The following SESN3 variants were observed in gnomAD, a reference collection of about 807,000 sequenced individuals.
SESN3 encodes the protein sestrin-3.
SESN3 carries 21 observed loss-of-function variants against 55.3 expected under a neutral mutation model. The observed-to-expected ratio is 0.38, with a 90% CI of 0.27 to 0.55. The LOEUF is 0.55. Ranked by LOEUF, SESN3 falls within the 20% of genes least tolerant of loss-of-function variation. SESN3 has a pLI of 0.76. For synonymous variants in SESN3, 181 were observed against 203.1 expected, an observed-to-expected ratio of 0.89 and a Z score of 0.93; for missense variants, 408 against 604.3, an observed-to-expected ratio of 0.68 and a Z score of 3.41.
chr11:95,184,965 A>G (rs1860136250), intron 5 of SESN3, among the ~76,000 whole-genome samples: 1 of 152,030 alleles, frequency 6.6e-6, no homozygotes. Context: ...TATACATACA[A>G]GTATATTGTT....
intron 9 of SESN3, 130 bp downstream of exon 9, chr11:95,175,368 T>C (rs759654134): frequency 2.0e-5 from 16 of 792,178 alleles, no homozygotes; most frequent in Non-Finnish European, 2.9e-5. Context: ...AAACCCCAGA[T>C]AGCTAGATGA....
At chr11:95,175,705 T>C in intron 8 of SESN3, 63 bp from the exon 9 acceptor site, 2 of 1,343,422 alleles carry the variant, frequency 1.5e-6, no homozygotes, top group Non-Finnish European at 2.1e-6. Context: ...TCCAAAGTTA[T>C]ACTAAGGACA....
At chr11:95,189,675 C>A (rs1028488308) in intron 4 of SESN3, 104 bp downstream of exon 4, 3 of 693,892 alleles carry the variant, frequency 4.3e-6, no homozygotes, top group African/African-American at 3.7e-5. Context: ...ATCTTTTCTA[C>A]ACATACTAAG....
chr11:95,185,213 T>C, intron 5 of SESN3, 43 bp downstream of exon 5: 1 of 1,186,738 alleles, frequency 8.4e-7, no homozygotes, highest in Non-Finnish European at 1.2e-6. Context: ...ATATTAGAAG[T>C]TTAAAGCAAA....
intron 1 of SESN3, among the ~76,000 whole-genome samples, chr11:95,209,703 G>A (rs1051482349): frequency 2.0e-5 from 3 of 151,186 alleles, no homozygotes; most frequent in Admixed American, 1.3e-4. Flanking sequence ...TATACACTAT[G>A]GAATACTATG....
In SESN3 at chr11:95,178,755, G is replaced by T; in HGVS notation, c.1011C>A (p.Asp337Glu). Residue 337 changes from aspartate to glutamate, a missense_variant, in exon 7 of 10, where the codon GAC becomes GAA. This residue lies in a region of SESN3 where 121 missense variants were observed against 204.9 expected (regional missense o/e 0.59). Coordinates refer to ENST00000536441, the MANE Select transcript of SESN3 (RefSeq NM_144665.4). ...AATGCTCTTCTCCTCGTCTGGCAAAGTCTTCATACCCAAAACCAGGGTCTT... is the reference window on the plus strand; with the variant it reads ...AATGCTCTTCTCCTCGTCTGGCAAATTCTTCATACCCAAAACCAGGGTCTT... The part of the protein sequence containing the change: ...YIEDPGFGYE[D>E]FARRGEEHLP... The T allele has an allele frequency of 1.2e-6, 2 of 1,613,074 alleles. No homozygotes were observed. Among genetic ancestry groups the T allele is most frequent in the Non-Finnish European group, 1.7e-6 (2 of 1,179,148 alleles).
rs1354379159 is a variant in SESN3 at position 95,167,123 on chromosome 11, A to G, written c.*6132T>C. Reference sequence around the variant, plus strand: ...TATTAATTTAAGAAAGAGATGTATAATAAGTTTTATTCTGTAAGTTTCATA... The same window carrying G: ...TATTAATTTAAGAAAGAGATGTATAGTAAGTTTTATTCTGTAAGTTTCATA... On this transcript the variant is annotated 3_prime_UTR_variant, in exon 10 of 10. Coordinates refer to ENST00000536441, the MANE Select transcript of SESN3 (RefSeq NM_144665.4). The G allele has an allele frequency of 2.0e-5, 3 of 152,158 alleles. No individual in the cohort carries two copies. Among genetic ancestry groups the G allele is most frequent in the Admixed American group, 6.5e-5 (1 of 15,274 alleles). 9.4% of individuals were successfully genotyped at this position (152,158 alleles called of 1,614,324 possible). A position where few individuals can be genotyped will look rare whatever the true frequency, so the allele number is the denominator to read the frequency against.
rs982655529 is a variant in SESN3 at position 95,167,844 on chromosome 11, A to G, written c.*5411T>C. On this transcript the variant is annotated 3_prime_UTR_variant, in exon 10 of 10. Coordinates refer to ENST00000536441, the MANE Select transcript of SESN3 (RefSeq NM_144665.4). ...CCTCAAGTGCACCTAGCTGGAGAGA[A>G]GAACTATTACATCTTCTTCCTCTTT... The G allele has an allele frequency of 6.6e-6, 1 of 152,224 alleles. No homozygotes were observed. Among genetic ancestry groups the G allele is most frequent in the Non-Finnish European group, 1.5e-5 (1 of 68,028 alleles). 9.4% of individuals were successfully genotyped at this position (152,224 alleles called of 1,614,324 possible). A position where few individuals can be genotyped will look rare whatever the true frequency, so the allele number is the denominator to read the frequency against.
intron 5 of SESN3, 33 bp downstream of exon 5, chr11:95,185,223 A>C (rs774054038): frequency 2.2e-6 from 3 of 1,338,022 alleles, no homozygotes; most frequent in Non-Finnish European, 3.2e-6. Flanking sequence ...TTTAAAGCAA[A>C]AATAGTAAAG....
Position 95,171,395 on chromosome 11 carries a change from G to C in SESN3, c.*1860C>G, listed in dbSNP as rs1037251616. ...ATATTAGTAATTTTTTCCTCACATG[G>C]AAGATTTCAAACAGGATCCTGGAAT... On this transcript the variant is annotated 3_prime_UTR_variant, in exon 10 of 10. Transcript: ENST00000536441. 1.3e-5 allele frequency: 2 copies of C among 152,044 alleles called. No homozygotes were observed. The highest frequency in any genetic ancestry group is 4.8e-5 in the African/African-American group (2 of 41,396). The allele number at this position is 152,044 out of a possible 1,614,324, so 9.4% of individuals were successfully genotyped here. A position where few individuals can be genotyped will look rare whatever the true frequency, so the allele number is the denominator to read the frequency against.
At chr11:95,223,359 C>T (rs117570194) in intron 1 of SESN3, among the ~76,000 whole-genome samples, 7 of 152,262 alleles carry the variant, frequency 4.6e-5, no homozygotes, top group South Asian at 2.1e-4. Flanking sequence ...AACAGACTAA[C>T]CTTGCTACTC....
chr11:95,232,047 A>G (rs1861081104), upstream of SESN3: 2 of 152,376 alleles, frequency 1.3e-5, no homozygotes, highest in Non-Finnish European at 2.9e-5. Context: ...TTTCTCACCC[A>G]AAAGACCTTC....
chr11:95,228,818 C>G (rs901776451), intron 1 of SESN3, among the ~76,000 whole-genome samples: 1 of 152,200 alleles, frequency 6.6e-6, no homozygotes, highest in Non-Finnish European at 1.5e-5. Context: ...AATGTGAATA[C>G]TCTTTTTCCA....
At position 95,184,409 on chromosome 11, in the gene SESN3, C is replaced by T. The variant is rs1452184596; in HGVS notation, c.937+11G>A. 6.2e-7 allele frequency: 1 copy of T among 1,612,890 alleles called. No homozygotes were observed. Among genetic ancestry groups the T allele is most frequent in the Non-Finnish European group, 8.5e-7 (1 of 1,179,550 alleles). ...AGAACAACTAAAAGGCAAAAAAGTG[C>T]AAAAAAGCACCTGAATGAGGAAATG... On this transcript the variant is annotated intron_variant, in intron 6 of 9. Transcript: ENST00000536441.
upstream of SESN3, chr11:95,231,541 C>G (rs1861069789): frequency 6.1e-6 from 1 of 163,424 alleles, no homozygotes; most frequent in Non-Finnish European, 1.3e-5. Flanking sequence ...CCAAGATAAG[C>G]TACGCCCCCT....
intron 1 of SESN3, among the ~76,000 whole-genome samples, chr11:95,213,935 A>G (rs980093159): frequency 1.3e-5 from 2 of 152,194 alleles, no homozygotes; most frequent in Non-Finnish European, 2.9e-5. Flanking sequence ...TGTAAAAAAG[A>G]AAAAAGAAAA....
chr11:95,165,793 T>G lies in SESN3; in HGVS notation c.*7462A>C, dbSNP rs1338641254. ...TGCATCTGTCCAAATAATGTTACCCTCCCTCCAAAGAAAAAAAGAGTCATT... is the reference window on the plus strand; with the variant it reads ...TGCATCTGTCCAAATAATGTTACCCGCCCTCCAAAGAAAAAAAGAGTCATT... On this transcript the variant is annotated 3_prime_UTR_variant, in exon 10 of 10. Transcript: ENST00000536441. The G allele has an allele frequency of 1.3e-5, 2 of 152,030 alleles. No homozygotes were observed. Among genetic ancestry groups the G allele is most frequent in the Non-Finnish European group, 2.9e-5 (2 of 67,996 alleles). 9.4% of individuals were successfully genotyped at this position (152,030 alleles called of 1,614,324 possible). A position where few individuals can be genotyped will look rare whatever the true frequency, so the allele number is the denominator to read the frequency against.
At chr11:95,173,891 C>T (rs917079640) in intron 9 of SESN3, among the ~76,000 whole-genome samples, 6 of 151,848 alleles carry the variant, frequency 4.0e-5, no homozygotes, top group Non-Finnish European at 5.9e-5. Flanking sequence ...GGTTACATCT[C>T]GGCTGATAAG....
intron 1 of SESN3, among the ~76,000 whole-genome samples, chr11:95,205,767 C>T: frequency 6.6e-6 from 1 of 152,194 alleles, no homozygotes; most frequent in East Asian, 1.9e-4. Context: ...ACATTACACT[C>T]TAATATTTAA....
Sources: allele counts gnomAD v4.1 joint callset (sites outside exome capture counted in the v4.1 genomes callset), GRCh38; gene constraint gnomAD v4.1.1; regional missense constraint gnomAD v4.1.1; transcripts MANE v1.5; gene names NCBI Gene and HGNC (gene_info 2026-07-23, HGNC 2026-07-21).